Variants in B3GALT1 observed in about 807,000 individuals in gnomAD.
The protein encoded by B3GALT1 is beta-1,3-galactosyltransferase 1, also known as UDP-Gal:betaGlcNAc beta 1,3-galactosyltransferase, polypeptide 1.
In B3GALT1, 10 loss-of-function variants were observed where a neutral mutation model predicts 23.2. That is an observed-to-expected ratio of 0.43 (90% CI 0.27 to 0.73). B3GALT1 has a LOEUF of 0.73. Ranked by LOEUF, B3GALT1 falls within the 30% of genes least tolerant of loss-of-function variation. The probability of loss-of-function intolerance (pLI) is 0.21; values close to 1 mark genes in which losing one functional copy is unlikely to be tolerated. For synonymous variants in B3GALT1, 156 were observed against 141.5 expected, an observed-to-expected ratio of 1.10 and a Z score of -0.73; for missense variants, 299 against 405.4, an observed-to-expected ratio of 0.74 and a Z score of 2.25.
intron 3 of B3GALT1, among the ~76,000 whole-genome samples, chr2:167,744,961 T>C (rs150574974): frequency 6.6e-6 from 1 of 152,236 alleles, no homozygotes; most frequent in East Asian, 1.9e-4. Context: ...GATTTTTTTA[T>C]TGGCAATTTA....
In B3GALT1 at chr2:167,654,508, T is replaced by C. The variant is rs923760097; in HGVS notation, c.-352+7542T>C. Among the ~76,000 whole-genome samples the C allele has an allele frequency of 3.3e-5, 5 of 151,776 alleles. 1 individual carries two copies. The stretch of plus-strand genomic sequence containing the variant: ...GCTTTTTGTTTTCTCTCTCTCTCTT[T>C]CTTTTTTTTGAGACAGGGCCTCACT... On this transcript the variant is annotated intron_variant, in intron 3 of 4. Coordinates refer to ENST00000392690, the MANE Select transcript of B3GALT1 (RefSeq NM_020981.4).
intron 1 of B3GALT1, among the ~76,000 whole-genome samples, chr2:167,441,552 G>A (rs1698894053): frequency 6.6e-6 from 1 of 152,124 alleles, no homozygotes; most frequent in Non-Finnish European, 1.5e-5. Flanking sequence ...TGATACTCGT[G>A]TTATCTTCCA....
chr2:167,323,141 A>G (rs572916456), intron 1 of B3GALT1, among the ~76,000 whole-genome samples: 1 of 152,114 alleles, frequency 6.6e-6, no homozygotes, highest in African/African-American at 2.4e-5. Flanking sequence ...TGTACTTTAT[A>G]TGAGAGCATA....
intron 1 of B3GALT1, among the ~76,000 whole-genome samples, chr2:167,488,057 A>G (rs1025424047): frequency 1.3e-5 from 2 of 152,232 alleles, no homozygotes; most frequent in African/African-American, 4.8e-5. Context: ...AAAGGTCTTC[A>G]ATGGCCAAAT....
chr2:167,314,030 G>A (rs190877478), intron 1 of B3GALT1, among the ~76,000 whole-genome samples: 224 of 152,226 alleles, frequency 1.5e-3, no homozygotes, highest in South Asian at 3.9e-3. Context: ...CACTGGATGG[G>A]AGATTGGAGG....
At chr2:167,475,571 A>G (rs1405629895) in intron 1 of B3GALT1, among the ~76,000 whole-genome samples, 4 of 152,102 alleles carry the variant, frequency 2.6e-5, no homozygotes, top group Admixed American at 2.0e-4. Context: ...GTCGAACTTC[A>G]ACTACAAAAG....
At chr2:167,585,865 A>G (rs1420321817) in intron 2 of B3GALT1, among the ~76,000 whole-genome samples, 1 of 152,236 alleles carries the variant, frequency 6.6e-6, no homozygotes, top group Non-Finnish European at 1.5e-5. Context: ...TAAAAATAAC[A>G]TAGATGCTTG....
chr2:167,720,514 A>G (rs1401232060), intron 3 of B3GALT1, among the ~76,000 whole-genome samples: 4 of 152,188 alleles, frequency 2.6e-5, no homozygotes, highest in Non-Finnish European at 4.4e-5. Flanking sequence ...CACAACTTGC[A>G]AGATCCATGA....
chr2:167,799,950 G>GTATGTATACACT (rs147953507), intron 3 of B3GALT1, among the ~76,000 whole-genome samples: 5 of 152,092 alleles, frequency 3.3e-5, no homozygotes, highest in South Asian at 4.1e-4. Context: ...AATGCAATGT[G>GTATGTATACACT]TATGTATACA....
At chr2:167,411,774 G>T (rs1698396054) in intron 1 of B3GALT1, among the ~76,000 whole-genome samples, 1 of 152,134 alleles carries the variant, frequency 6.6e-6, no homozygotes, top group South Asian at 2.1e-4. Context: ...CATGTTTATT[G>T]TAGCACTATT....
chr2:167,471,462 C>G (rs1217092256), intron 1 of B3GALT1, among the ~76,000 whole-genome samples: 1 of 152,126 alleles, frequency 6.6e-6, no homozygotes, highest in Admixed American at 6.6e-5. Context: ...TTTCAGAGAG[C>G]AGATGTAGAA....
intron 1 of B3GALT1, among the ~76,000 whole-genome samples, chr2:167,383,105 A>G (rs1697867138): frequency 6.6e-6 from 1 of 152,064 alleles, no homozygotes; most frequent in African/African-American, 2.4e-5. Context: ...AAAATTTCTC[A>G]TATATCCCAT....
chr2:167,450,777 C>T (rs945075366), intron 1 of B3GALT1, among the ~76,000 whole-genome samples: 1 of 152,156 alleles, frequency 6.6e-6, no homozygotes, highest in African/African-American at 2.4e-5. Flanking sequence ...CAATTATTCC[C>T]CCAAATATGT....
At chr2:167,477,636 C>A (rs751343495) in intron 1 of B3GALT1, among the ~76,000 whole-genome samples, 3 of 152,174 alleles carry the variant, frequency 2.0e-5, no homozygotes, top group Non-Finnish European at 4.4e-5. Flanking sequence ...ACTAGAAGTG[C>A]ATGTCTAACA....
intron 2 of B3GALT1, among the ~76,000 whole-genome samples, chr2:167,552,164 G>A (rs1558902046): frequency 6.6e-6 from 1 of 152,116 alleles, no homozygotes; most frequent in African/African-American, 2.4e-5. Context: ...TAACTAACTG[G>A]ATGACCTTGA....
intron 2 of B3GALT1, among the ~76,000 whole-genome samples, chr2:167,518,594 T>G (rs934081447): frequency 1.3e-5 from 2 of 152,188 alleles, no homozygotes; most frequent in Non-Finnish European, 2.9e-5. Flanking sequence ...CAGCATCATC[T>G]CAGGAACTGT....
intron 1 of B3GALT1, among the ~76,000 whole-genome samples, chr2:167,333,078 G>A (rs1696999461): frequency 6.6e-6 from 1 of 152,146 alleles, no homozygotes; most frequent in Non-Finnish European, 1.5e-5. Flanking sequence ...ATTGAACCAT[G>A]TGCATTTACT....
At chr2:167,559,899 G>T (rs1044266423) in intron 2 of B3GALT1, among the ~76,000 whole-genome samples, 1 of 152,176 alleles carries the variant, frequency 6.6e-6, no homozygotes, top group African/African-American at 2.4e-5. Context: ...TTATCCAGGA[G>T]AACTTCCCCA....
chr2:167,487,218 G>A (rs1320189766), intron 1 of B3GALT1, among the ~76,000 whole-genome samples: 1 of 152,144 alleles, frequency 6.6e-6, no homozygotes, highest in East Asian at 1.9e-4. Flanking sequence ...TGTTCAGAAG[G>A]CCACTTTTTG....
Sources: gnomAD v4.1 joint callset for allele counts (sites outside exome capture counted in the v4.1 genomes callset) on GRCh38, gnomAD v4.1.1 for gene constraint, MANE v1.5 for transcripts, NCBI Gene and HGNC (gene_info 2026-07-23, HGNC 2026-07-21) for gene names.